HDAC9: variants seen among roughly 807,000 people sequenced by gnomAD.
HDAC9 encodes MEF-2 interacting transcription repressor (MITR) protein.
HDAC9 carries 41 observed loss-of-function variants against 139.4 expected under a neutral mutation model. The observed-to-expected ratio is 0.29, with a 90% CI of 0.23 to 0.38. The LOEUF (loss-of-function observed/expected upper bound fraction) is 0.38. Ranked by LOEUF, HDAC9 falls within the 10% of genes least tolerant of loss-of-function variation. The pLI is 1.00. For missense variants in HDAC9, 1,147 were observed against 1,297.0 expected, an observed-to-expected ratio of 0.88 and a Z score of 1.78; for synonymous variants, 517 against 476.2, an observed-to-expected ratio of 1.09 and a Z score of -1.12.
intron 1 of HDAC9, among the ~76,000 whole-genome samples, chr7:18,304,385 C>A (rs934781821): frequency 6.6e-6 from 1 of 152,294 alleles, no homozygotes; most frequent in East Asian, 1.9e-4. Flanking sequence ...AGCTCATACT[C>A]TCAAGCAATA....
At chr7:18,359,860 C>T (rs763427462) in intron 1 of HDAC9, among the ~76,000 whole-genome samples, 7 of 152,174 alleles carry the variant, frequency 4.6e-5, no homozygotes, top group South Asian at 2.1e-4. Context: ...CCGCCCACCT[C>T]GGCCTCCCAA....
At chr7:18,438,643 TGC>T (rs1399533916) in intron 1 of HDAC9, among the ~76,000 whole-genome samples, 2 of 59,582 alleles carry the variant, frequency 3.4e-5, no homozygotes, top group Non-Finnish European at 6.5e-5. Flanking sequence ...ATGCTGTGTG[TGC>T]GTGTGTGTGT....
At chr7:18,138,532 G>GTA (rs1256942596) in intron 1 of HDAC9, among the ~76,000 whole-genome samples, 3 of 90,852 alleles carry the variant, frequency 3.3e-5, no homozygotes, top group African/African-American at 2.3e-4. Flanking sequence ...AGAGAGGTGT[G>GTA]TGTGTGTGTG....
At chr7:18,786,964 A>G (rs1016614565) in intron 16 of HDAC9, among the ~76,000 whole-genome samples, 10 of 151,908 alleles carry the variant, frequency 6.6e-5, no homozygotes, top group Admixed American at 3.9e-4. Context: ...TGAGGTTTAT[A>G]GAGAAACAGA....
intron 1 of HDAC9, among the ~76,000 whole-genome samples, chr7:18,386,845 C>G (rs1429015694): frequency 6.6e-6 from 1 of 152,204 alleles, no homozygotes; most frequent in Non-Finnish European, 1.5e-5. Flanking sequence ...GGAATTTAGT[C>G]TGGTCTCTTG....
intron 1 of HDAC9, among the ~76,000 whole-genome samples, chr7:18,474,841 G>A (rs551228769): frequency 8.5e-4 from 129 of 151,886 alleles, no homozygotes; most frequent in Non-Finnish European, 1.5e-3. Context: ...AGAGAGGAGA[G>A]GAGAAGGGTG....
At chr7:18,863,962 G>C (rs1431351614) in intron 21 of HDAC9, among the ~76,000 whole-genome samples, 1 of 152,194 alleles carries the variant, frequency 6.6e-6, no homozygotes, top group Non-Finnish European at 1.5e-5. Context: ...TTGAGATTCT[G>C]ATTTCGATTC....
intron 2 of HDAC9, among the ~76,000 whole-genome samples, chr7:18,571,193 G>A (rs1343746970): frequency 6.6e-6 from 1 of 152,204 alleles, no homozygotes; most frequent in Non-Finnish European, 1.5e-5. Flanking sequence ...TAAATTGTAT[G>A]TACAAAGTAT....
chr7:18,746,114 T>C (rs946891282), intron 13 of HDAC9, among the ~76,000 whole-genome samples: 2 of 150,852 alleles, frequency 1.3e-5, no homozygotes, highest in Non-Finnish European at 3.0e-5. Context: ...CAAGCAATCC[T>C]CCTGCCTCAG....
Position 18,715,023 on chromosome 7 carries a change from C to T in HDAC9, c.1732-12557C>T, listed in dbSNP as rs142220152. ...AGTTTGAGGAAATACTTAGAAAAGA[C>T]ATTCTTTTCAAAAACCAAAGTATTT... On this transcript the variant is annotated intron_variant, in intron 12 of 25. Coordinates refer to ENST00000686413, the MANE Select transcript of HDAC9 (RefSeq NM_178425.4). 1.6e-3 allele frequency among the ~76,000 whole-genome samples: 241 copies of T among 152,220 alleles called. 1 individual carries two copies. Among genetic ancestry groups the T allele is most frequent in the African/African-American group, 5.5e-3 (228 of 41,544 alleles).
intron 21 of HDAC9, among the ~76,000 whole-genome samples, chr7:18,870,685 A>G (rs1798849839): frequency 1.3e-5 from 2 of 152,048 alleles, no homozygotes. Flanking sequence ...TGTTATTACT[A>G]TTTTTTGAGA....
intron 1 of HDAC9, among the ~76,000 whole-genome samples, chr7:18,396,331 G>T (rs1787055109): frequency 6.6e-6 from 1 of 152,106 alleles, no homozygotes; most frequent in Non-Finnish European, 1.5e-5. Context: ...CTTATAAGAT[G>T]ATTACAGAAA....
intron 13 of HDAC9, among the ~76,000 whole-genome samples, chr7:18,736,746 C>T (rs2129138580): frequency 6.6e-6 from 1 of 152,312 alleles, no homozygotes; most frequent in African/African-American, 2.4e-5. Flanking sequence ...AAGCTGGCCT[C>T]ATAAAATCAG....
At chr7:18,994,329 T>C (rs1337254168) in intron 25 of HDAC9, among the ~76,000 whole-genome samples, 1 of 152,260 alleles carries the variant, frequency 6.6e-6, no homozygotes. Flanking sequence ...TAAGGCTATA[T>C]ATTTATGTAT....
At position 18,883,406 on chromosome 7, in the gene HDAC9, TTA is replaced by T. The variant is rs1799878786; in HGVS notation, c.2803+8813_2803+8814del. ...CAACATAGGCAAATCCACAAATGTG[TTA>T]TACCTGATTAACAGTATGAAGGACA... On this transcript the variant is annotated intron_variant, in intron 22 of 25. Transcript: ENST00000686413. Among the ~76,000 whole-genome samples, 3 of 152,092 alleles carry T rather than the reference TTA, an allele frequency of 2.0e-5. No homozygotes were observed. The South Asian group carries it at 6.2e-4, about 31-fold the overall frequency.
intron 1 of HDAC9, among the ~76,000 whole-genome samples, chr7:18,355,408 A>G (rs1783176617): frequency 6.6e-6 from 1 of 152,158 alleles, no homozygotes; most frequent in South Asian, 2.1e-4. Flanking sequence ...CAGATATTCA[A>G]AACGGAGACT....
chr7:18,259,645 G>A (rs907937927), intron 2 of HDAC9, among the ~76,000 whole-genome samples: 5 of 152,186 alleles, frequency 3.3e-5, no homozygotes, highest in African/African-American at 7.2e-5. Context: ...GATTACAGGC[G>A]TGAGCCATCA....
intron 1 of HDAC9, chr7:18,458,796 C>G: frequency 7.4e-7 from 1 of 1,359,728 alleles, no homozygotes; most frequent in Non-Finnish European, 1.0e-6. Flanking sequence ...CTCCAACTCC[C>G]ATGGAGGGTC....
chr7:18,863,724 GA>G (rs200295758), intron 21 of HDAC9, among the ~76,000 whole-genome samples: 11 of 151,952 alleles, frequency 7.2e-5, no homozygotes, highest in African/African-American at 2.4e-4. Context: ...GTGTTATGGT[GA>G]AAAAAAACCA....
Sources: gnomAD v4.1 joint callset for allele counts (sites outside exome capture counted in the v4.1 genomes callset) on GRCh38, gnomAD v4.1.1 for gene constraint, MANE v1.5 for transcripts, NCBI Gene and HGNC (gene_info 2026-07-23, HGNC 2026-07-21) for gene names.